NFKBIZ: variants seen among roughly 807,000 people sequenced by gnomAD.
NFKBIZ encodes the protein NFKB inhibitor zeta, also known as NF-kappa-B inhibitor zeta.
NFKBIZ carries 19 observed loss-of-function variants against 76.8 expected under a neutral mutation model. That is an observed-to-expected ratio of 0.25 (90% CI 0.17 to 0.36). NFKBIZ has a LOEUF of 0.36. Ranked by LOEUF, NFKBIZ falls within the 10% of genes least tolerant of loss-of-function variation. The pLI is 1.00. For synonymous variants in NFKBIZ, 368 were observed against 354.8 expected (o/e 1.04, Z -0.42); for missense variants, 829 against 910.9 (o/e 0.91, Z 1.16).
At chr3:101,835,488 T>A (rs1050432813) in intron 2 of NFKBIZ, among the ~76,000 whole-genome samples, 8 of 152,202 alleles carry the variant, frequency 5.3e-5, no homozygotes, top group Non-Finnish European at 1.2e-4. Flanking sequence ...CTCACTGTTC[T>A]GGGAGATTGG....
chr3:101,858,862 T>G (rs1560090533), intron 11 of NFKBIZ, among the ~76,000 whole-genome samples: 1 of 152,246 alleles, frequency 6.6e-6, no homozygotes, highest in Non-Finnish European at 1.5e-5. Flanking sequence ...TGTTTTGACT[T>G]GAATGGTATT....
chr3:101,858,316 G>T (rs775722488), intron 11 of NFKBIZ: 42 of 967,744 alleles, frequency 4.3e-5, no homozygotes, highest in Non-Finnish European at 5.0e-5. Flanking sequence ...TCTATAGTTT[G>T]TAAAAAGTTT....
At chr3:101,831,442 A>G (rs1050224883) in intron 2 of NFKBIZ, among the ~76,000 whole-genome samples, 1 of 152,172 alleles carries the variant, frequency 6.6e-6, no homozygotes, top group African/African-American at 2.4e-5. Context: ...AACTGAGGTC[A>G]AAAGATTTTT....
intron 11 of NFKBIZ, among the ~76,000 whole-genome samples, chr3:101,859,107 A>T (rs923524080): frequency 2.1e-5 from 3 of 144,180 alleles, no homozygotes; most frequent in African/African-American, 7.7e-5. Flanking sequence ...CTCAAAGATT[A>T]TTATAAGAGA....
intron 2 of NFKBIZ, among the ~76,000 whole-genome samples, chr3:101,842,083 T>G (rs932330680): frequency 6.6e-6 from 1 of 152,138 alleles, no homozygotes; most frequent in African/African-American, 2.4e-5. Context: ...AGAGCTATGA[T>G]AGAAGTCTGT....
chr3:101,846,677 A>G (rs537645323), upstream of NFKBIZ, among the ~76,000 whole-genome samples: 1 of 152,348 alleles, frequency 6.6e-6, no homozygotes, highest in East Asian at 1.9e-4. Context: ...GGGCATTTAA[A>G]TCCTTTATTA....
intron 2 of NFKBIZ, among the ~76,000 whole-genome samples, chr3:101,842,006 AT>A (rs1942791067): frequency 1.3e-5 from 2 of 152,218 alleles, no homozygotes; most frequent in South Asian, 4.1e-4. Context: ...CAAGGGATAC[AT>A]GTCTTGGGAG....
At chr3:101,829,877 TTTTGTGTG>T (rs1236631139) in intron 2 of NFKBIZ, among the ~76,000 whole-genome samples, 2 of 62,780 alleles carry the variant, frequency 3.2e-5, no homozygotes, top group African/African-American at 1.0e-4. Context: ...AACTAAGATT[TTTTGTGTG>T]TGTGTGTGTG....
chr3:101,851,988 C>T, intron 1 of NFKBIZ, 97 bp from the exon 2 acceptor site: 1 of 1,454,336 alleles, frequency 6.9e-7, no homozygotes, highest in Non-Finnish European at 9.3e-7. Flanking sequence ...TGCTTGGGGA[C>T]TTTATACATT....
chr3:101,855,848 T>C lies in NFKBIZ; in HGVS notation c.1770T>C (p.Ser590=), dbSNP rs1943041496. The C allele has an allele frequency of 1.2e-6, 2 of 1,613,638 alleles. No homozygotes were observed. Among genetic ancestry groups the C allele is most frequent in the African/African-American group, 1.3e-5 (1 of 74,828 alleles). Residue 590 remains serine, a synonymous_variant, in exon 9 of 12, where the codon AGT becomes AGC. Transcript: ENST00000326172. ...EVQELLLKNK[S]LVDTIKCLIQ... ...AGGAGCTTTTACTGAAGAATAAGAG[T>C]CTGGTTGATACCATTAAGTGCCTAA...
intron 3 of NFKBIZ, 27 bp from the exon 4 acceptor site, chr3:101,852,859 A>G (rs1414470638): frequency 1.9e-6 from 3 of 1,605,758 alleles, no homozygotes; most frequent in Non-Finnish European, 2.6e-6. Flanking sequence ...TAAAATGATG[A>G]CAGAGGCTGT....
chr3:101,833,512 T>C (rs979577156), intron 2 of NFKBIZ, among the ~76,000 whole-genome samples: 1 of 152,210 alleles, frequency 6.6e-6, no homozygotes, highest in African/African-American at 2.4e-5. Flanking sequence ...ATAAGAACTT[T>C]CTATGTTGTA....
rs72937691 is a variant in NFKBIZ, at chr3:101,829,964, A to G, written c.-12+276A>G. ...CTGCTATTTTCCATAGCAAGAGGAC[A>G]TATGAATACATCTAAGAGGGGAATT... On this transcript the variant is annotated intron_variant, in intron 2 of 12. Coordinates refer to the NFKBIZ transcript ENST00000394054. Among the ~76,000 whole-genome samples the G allele has an allele frequency of 2.6e-3, 398 of 152,266 alleles. 2 individuals are homozygous for G. The highest frequency in any genetic ancestry group is 9.1e-3 in the African/African-American group (376 of 41,538).
At chr3:101,856,355 G>A (rs965312239) in intron 9 of NFKBIZ, among the ~76,000 whole-genome samples, 13 of 152,272 alleles carry the variant, frequency 8.5e-5, no homozygotes, top group Admixed American at 8.5e-4. Flanking sequence ...CGGCCAAGAA[G>A]CCCAGATTTT....
chr3:101,847,445 T>A (rs559214951), upstream of NFKBIZ, among the ~76,000 whole-genome samples: 9 of 152,332 alleles, frequency 5.9e-5, no homozygotes, highest in East Asian at 9.6e-4. Context: ...GGAAATACAG[T>A]CATGCATTGC....
At chr3:101,854,278 G>A (rs1045127011) in intron 5 of NFKBIZ, among the ~76,000 whole-genome samples, 4 of 152,094 alleles carry the variant, frequency 2.6e-5, no homozygotes, top group African/African-American at 7.2e-5. Flanking sequence ...GTTCCTTGAC[G>A]TGTAAAATGA....
In NFKBIZ at chr3:101,860,822, TC is replaced by T. The variant is rs1304566996; in HGVS notation, c.*1452del. 1 of 150,156 alleles carries T rather than the reference TC, an allele frequency of 6.7e-6. No individual in the cohort carries two copies. Among genetic ancestry groups the T allele is most frequent in the African/African-American group, 2.4e-5 (1 of 40,864 alleles). 9.3% of individuals were successfully genotyped at this position (150,156 alleles called of 1,614,324 possible). On this transcript the variant is annotated 3_prime_UTR_variant, in exon 12 of 12. Transcript: ENST00000326172. ...TTTAAAAAAAAAAAAAAAGAAAATC[TC>T]ATTAGTGAACTTATCTTTGCAGCTG... is the stretch of plus-strand genomic sequence containing the variant.
At position 101,852,895 on chromosome 3, in the gene NFKBIZ, A is replaced by G. The variant is rs763968414; in HGVS notation, c.470A>G (p.Asn157Ser). The G allele has an allele frequency of 6.2e-7, 1 of 1,613,958 alleles. No homozygotes were observed. The highest frequency in any genetic ancestry group is 2.2e-5 in the East Asian group (1 of 44,884). ...ATTCCTTTGGGTACAGAATTGAAGA[A>G]CACAGTATCATACAGTGGGAAAAGG... Reference protein sequence around the residue: ...VNIEQFRELKNTVSYSGKRKG... With the variant: ...VNIEQFRELKSTVSYSGKRKG... Residue 157 changes from asparagine (N) to serine (S), a missense_variant, in exon 4 of 12, where the codon AAC becomes AGC. Coordinates refer to ENST00000326172, the MANE Select transcript of NFKBIZ (RefSeq NM_031419.4).
intron 2 of NFKBIZ, among the ~76,000 whole-genome samples, chr3:101,842,301 T>C (rs1333722956): frequency 6.6e-6 from 1 of 152,204 alleles, no homozygotes; most frequent in African/African-American, 2.4e-5. Context: ...TGGGAAACTA[T>C]ACTCAGTTTC....
Sources: gnomAD v4.1 joint callset for allele counts (sites outside exome capture counted in the v4.1 genomes callset) on GRCh38, gnomAD v4.1.1 for gene constraint, MANE v1.5 for transcripts, NCBI Gene and HGNC (gene_info 2026-07-23, HGNC 2026-07-21) for gene names.